Variants in REPS2 observed in about 807,000 individuals in gnomAD.
REPS2 encodes ralBP1-associated Eps domain-containing protein 2.
In REPS2, 23 loss-of-function variants were observed where a neutral mutation model predicts 53.6. The observed-to-expected ratio is 0.43, with a 90% CI of 0.31 to 0.61. REPS2 has a LOEUF of 0.61. Among genes scored for constraint, REPS2 ranks in the 20% least tolerant of loss-of-function variants. REPS2 has a pLI of 0.11. For synonymous variants in REPS2, 238 were observed against 218.6 expected, an observed-to-expected ratio of 1.09 and a Z score of -0.78; for missense variants, 446 against 534.9, an observed-to-expected ratio of 0.83 and a Z score of 1.64.
chrX:17,144,430 G>A (rs1403045054), intron 17 of REPS2, among the ~76,000 whole-genome samples: 1 of 112,519 alleles, frequency 8.9e-6, no homozygotes, highest in Non-Finnish European at 1.9e-5. Flanking sequence ...ACTTTAATAG[G>A]TATCTGGTGT....
chrX:17,108,532 T>A (rs778522749), intron 14 of REPS2, among the ~76,000 whole-genome samples: 5 of 111,749 alleles, frequency 4.5e-5, no homozygotes. Context: ...CTTCAGTAGC[T>A]AAGTCCTTTT....
chrX:17,124,224 A>G (rs2063177465), intron 14 of REPS2, among the ~76,000 whole-genome samples: 1 of 112,236 alleles, frequency 8.9e-6, no homozygotes, highest in Non-Finnish European at 1.9e-5. Context: ...CCTCTTCTCC[A>G]GTGGAACATG....
chrX:17,126,335 G>A (rs749640162), intron 14 of REPS2, among the ~76,000 whole-genome samples: 2 of 111,733 alleles, frequency 1.8e-5, no homozygotes, highest in East Asian at 5.7e-4. Context: ...CCACAGTGGA[G>A]AATGCACCTC....
intron 2 of REPS2, 85 bp from the exon 3 acceptor site, chrX:17,022,038 A>T: frequency 3.1e-3 from 2,095 of 669,371 alleles, no homozygotes; most frequent in Non-Finnish European, 4.4e-3. Flanking sequence ...CTCAAAAATG[A>T]TTCATCGTTT....
At chrX:17,043,188 G>A (rs1179654563) in intron 5 of REPS2, among the ~76,000 whole-genome samples, 2 of 111,323 alleles carry the variant, frequency 1.8e-5, no homozygotes, top group Non-Finnish European at 3.8e-5. Context: ...AGATGGGGGG[G>A]TAGGTTAGCA....
chrX:17,069,209 G>A (rs773411044), intron 10 of REPS2, among the ~76,000 whole-genome samples: 1 of 112,226 alleles, frequency 8.9e-6, no homozygotes, highest in South Asian at 3.7e-4. Context: ...CAGACACTAT[G>A]AATCATTTGC....
intron 2 of REPS2, among the ~76,000 whole-genome samples, chrX:17,018,483 C>T: frequency 9.0e-6 from 1 of 110,962 alleles, no homozygotes; most frequent in Non-Finnish European, 1.9e-5. Flanking sequence ...GCCACTGCAC[C>T]TGGCCTGCCC....
chrX:17,052,486 C>T (rs759296793), intron 7 of REPS2, 41 bp downstream of exon 7: 1 of 1,015,552 alleles, frequency 9.8e-7, no homozygotes, highest in Admixed American at 2.5e-5. Context: ...TACCATCATC[C>T]ATAACTCATC....
the REPS2 span, among the ~76,000 whole-genome samples, chrX:17,162,207 C>G: frequency 8.9e-6 from 1 of 112,096 alleles, no homozygotes; most frequent in East Asian, 2.8e-4. Flanking sequence ...GGAAATCTCA[C>G]TCACAATGCT....
chrX:17,026,268 G>A (rs887260191), intron 4 of REPS2, among the ~76,000 whole-genome samples: 5 of 111,424 alleles, frequency 4.5e-5, no homozygotes, highest in Admixed American at 1.9e-4. Context: ...GAGAATGTGA[G>A]TATAAAATCT....
At chrX:17,033,898 C>G (rs1283665460) in intron 5 of REPS2, among the ~76,000 whole-genome samples, 1 of 112,205 alleles carries the variant, frequency 8.9e-6, no homozygotes. Flanking sequence ...TTTCCCTCCA[C>G]TCTCTGGCCA....
At chrX:17,013,499 C>G (rs2061453341) in intron 2 of REPS2, among the ~76,000 whole-genome samples, 1 of 111,159 alleles carries the variant, frequency 9.0e-6, no homozygotes, top group African/African-American at 3.3e-5. Context: ...CAAACCCTCC[C>G]TATCTCTTAG....
intron 2 of REPS2, among the ~76,000 whole-genome samples, chrX:17,017,522 A>G (rs572026383): frequency 1.8e-5 from 2 of 110,625 alleles, no homozygotes; most frequent in Non-Finnish European, 3.8e-5. Context: ...AAAATTCTGT[A>G]TCTTAATTTG....
chrX:17,047,831 T>A (rs941532991), intron 6 of REPS2, among the ~76,000 whole-genome samples: 1 of 112,814 alleles, frequency 8.9e-6, no homozygotes, highest in African/African-American at 3.2e-5. Context: ...GAATGTGGCC[T>A]CCTAAGGAGT....
At chrX:17,018,554 C>T (rs765109351) in intron 2 of REPS2, among the ~76,000 whole-genome samples, 1 of 108,692 alleles carries the variant, frequency 9.2e-6, no homozygotes. Flanking sequence ...TGAAACCACA[C>T]AGTACCTGTC....
chrX:17,012,821 G>A (rs1412450518), intron 2 of REPS2, among the ~76,000 whole-genome samples: 1 of 112,077 alleles, frequency 8.9e-6, no homozygotes, highest in African/African-American at 3.2e-5. Flanking sequence ...ATGGGTAATA[G>A]TTTGGGGTAA....
At chrX:17,033,907 C>A (rs891899687) in intron 5 of REPS2, among the ~76,000 whole-genome samples, 3 of 112,145 alleles carry the variant, frequency 2.7e-5, no homozygotes, top group Non-Finnish European at 5.6e-5. Context: ...ACTCTCTGGC[C>A]ATTTCCCGGA....
intron 14 of REPS2, among the ~76,000 whole-genome samples, chrX:17,133,092 CAG>C (rs1224233946): frequency 1.8e-5 from 2 of 112,305 alleles, no homozygotes; most frequent in Admixed American, 9.4e-5. Flanking sequence ...GCATTTTCTG[CAG>C]AGTTATTCCC....
intron 13 of REPS2, among the ~76,000 whole-genome samples, chrX:17,093,186 AT>A (rs1569171911): frequency 0.011 from 146 of 12,987 alleles, 12 homozygotes; most frequent in Middle Eastern, 0.11. Context: ...ATATATATAT[AT>A]ATATATATAT....
Sources: allele counts gnomAD v4.1 joint callset (sites outside exome capture counted in the v4.1 genomes callset), GRCh38; gene constraint gnomAD v4.1.1; transcripts MANE v1.5; gene names NCBI Gene and HGNC (gene_info 2026-07-23, HGNC 2026-07-21).